Variants in ACADL observed in about 807,000 individuals in gnomAD.
ACADL encodes acyl-CoA dehydrogenase long chain, also known as long-chain specific acyl-CoA dehydrogenase, mitochondrial.
A neutral mutation model predicts 56.9 loss-of-function variants in ACADL; 60 were observed. The observed-to-expected ratio is 1.05, with a 90% CI of 0.86 to 1.31. ACADL has a LOEUF of 1.31. ACADL is among the 50% of genes most tolerant of loss of function. The probability of loss-of-function intolerance (pLI) is 0.00; values close to 1 mark genes in which losing one functional copy is unlikely to be tolerated. For synonymous variants in ACADL, 158 were observed against 179.7 expected, an observed-to-expected ratio of 0.88 and a Z score of 0.97; for missense variants, 484 against 525.5, an observed-to-expected ratio of 0.92 and a Z score of 0.77.
chr2:210,206,030 A>G (rs80332205), intron 5 of ACADL, among the ~76,000 whole-genome samples: 1,631 of 152,266 alleles, frequency 0.011, 25 homozygotes, highest in African/African-American at 0.035. Context: ...TTTTCTTTTC[A>G]CTATTAATAT....
At chr2:210,206,205 A>G (rs1688886088) in intron 5 of ACADL, among the ~76,000 whole-genome samples, 1 of 152,118 alleles carries the variant, frequency 6.6e-6, no homozygotes, top group Non-Finnish European at 1.5e-5. Flanking sequence ...TGGGAGGCCG[A>G]GGCAAGAGGA....
chr2:210,207,179 A>G (rs1468340684), intron 5 of ACADL, among the ~76,000 whole-genome samples: 1 of 152,188 alleles, frequency 6.6e-6, no homozygotes, highest in Non-Finnish European at 1.5e-5. Context: ...AAGTTCCTAC[A>G]ACTGATCTCT....
chr2:210,217,191 T>C (rs2125717208), intron 3 of ACADL, among the ~76,000 whole-genome samples: 1 of 152,316 alleles, frequency 6.6e-6, no homozygotes, highest in South Asian at 2.1e-4. Context: ...TGCTTCAGCA[T>C]TTGGAGAACT....
chr2:210,198,357 T>C (rs1163931014), intron 8 of ACADL, among the ~76,000 whole-genome samples: 2 of 152,174 alleles, frequency 1.3e-5, no homozygotes, highest in Non-Finnish European at 2.9e-5. Flanking sequence ...GATAGTTAAT[T>C]AGTCCCATGC....
At chr2:210,218,135 T>C (rs1423003972) in intron 2 of ACADL, 33 bp from the exon 3 acceptor site, 1 of 1,561,558 alleles carries the variant, frequency 6.4e-7, no homozygotes, top group Non-Finnish European at 8.7e-7. Context: ...ATTCAGATAA[T>C]TTTTAAATAT....
Position 210,224,786 on chromosome 2 carries a change from A to G in ACADL, c.77+401T>C, listed in dbSNP as rs1295206190. ...CGCCGGGTTCACAGCTCGAACTGGG[A>G]CACAGATCGCAGCCCGCGCTCCTGC... On this transcript the variant is annotated intron_variant, in intron 1 of 10. Coordinates refer to ENST00000233710, the MANE Select transcript of ACADL (RefSeq NM_001608.4). 5 of 995,502 alleles carry G rather than the reference A, an allele frequency of 5.0e-6. No individual in the cohort carries two copies. In the South Asian group the frequency reaches 1.4e-4, roughly 27 times the overall value. 61.7% of individuals were successfully genotyped at this position (995,502 alleles called of 1,614,324 possible).
chr2:210,203,268 C>T (rs1688825815), intron 8 of ACADL, 63 bp downstream of exon 8: 1 of 1,123,328 alleles, frequency 8.9e-7, no homozygotes. Context: ...TTCTATTTAC[C>T]CCAGGCCATT....
At chr2:210,195,113 A>T in intron 9 of ACADL, 98 bp downstream of exon 9, 1 of 1,500,036 alleles carries the variant, frequency 6.7e-7, no homozygotes, top group Admixed American at 1.7e-5. Context: ...CATTTCACAG[A>T]TTTCTTCCTT....
At chr2:210,202,920 G>T (rs1688818877) in intron 8 of ACADL, among the ~76,000 whole-genome samples, 1 of 152,040 alleles carries the variant, frequency 6.6e-6, no homozygotes, top group Non-Finnish European at 1.5e-5. Flanking sequence ...CCATATCATT[G>T]TATTCAATGA....
intron 6 of ACADL, 52 bp downstream of exon 6, chr2:210,205,580 G>A: frequency 6.4e-7 from 1 of 1,573,458 alleles, no homozygotes. Flanking sequence ...TCTCCTATCT[G>A]ATTAACAGTA....
intron 7 of ACADL, among the ~76,000 whole-genome samples, chr2:210,203,689 T>C (rs1688836852): frequency 6.6e-6 from 1 of 152,164 alleles, no homozygotes; most frequent in South Asian, 2.1e-4. Flanking sequence ...TTTTTAAATT[T>C]TTAAGAGACA....
At chr2:210,199,487 TTAAAAGAATATTTTTCCCCTATGA>T (rs1688761119) in intron 8 of ACADL, among the ~76,000 whole-genome samples, 1 of 152,174 alleles carries the variant, frequency 6.6e-6, no homozygotes. Context: ...AATATATATT[TTAAAAGAATATTTTTCCCCTATGA>T]GAAAACAATA....
At chr2:210,217,801 G>C in intron 3 of ACADL, 164 bp downstream of exon 3, 1 of 810,634 alleles carries the variant, frequency 1.2e-6, no homozygotes, top group South Asian at 1.8e-5. Context: ...TTCAAAAAAT[G>C]TGCAAGAGTG....
At chr2:210,204,431 T>C in intron 7 of ACADL, 150 bp downstream of exon 7, 1 of 642,012 alleles carries the variant, frequency 1.6e-6, no homozygotes, top group Non-Finnish European at 2.7e-6. Flanking sequence ...ACTCATACTT[T>C]TATTACAACT....
chr2:210,218,175 G>A (rs1689119991), intron 2 of ACADL, 73 bp from the exon 3 acceptor site: 1 of 1,389,442 alleles, frequency 7.2e-7, no homozygotes, highest in Admixed American at 2.0e-5. Context: ...TTGAACTTAT[G>A]AATGATTTTG....
intron 4 of ACADL, among the ~76,000 whole-genome samples, chr2:210,215,271 C>T (rs1350785422): frequency 6.6e-6 from 1 of 151,958 alleles, no homozygotes; most frequent in Admixed American, 6.6e-5. Context: ...TCTGTTTTCT[C>T]AACAACCACC....
chr2:210,211,953 C>T (rs1285881042), intron 4 of ACADL, among the ~76,000 whole-genome samples: 3 of 151,966 alleles, frequency 2.0e-5, no homozygotes, highest in Non-Finnish European at 4.4e-5. Flanking sequence ...GCCTCAGCCT[C>T]CCCAGTATCT....
intron 3 of ACADL, chr2:210,217,637 G>T: frequency 1.5e-5 from 3 of 196,626 alleles, no homozygotes; most frequent in East Asian, 1.2e-4. Context: ...TAATATATTT[G>T]ATGGAAGTAT....
intron 9 of ACADL, among the ~76,000 whole-genome samples, chr2:210,193,560 CA>C (rs1290692708): frequency 6.6e-6 from 1 of 152,084 alleles, no homozygotes; most frequent in African/African-American, 2.4e-5. Context: ...CTGATAATAT[CA>C]CAATTCTATC....
Sources: gnomAD v4.1 joint callset for allele counts (sites outside exome capture counted in the v4.1 genomes callset) on GRCh38, gnomAD v4.1.1 for gene constraint, MANE v1.5 for transcripts, NCBI Gene and HGNC (gene_info 2026-07-23, HGNC 2026-07-21) for gene names.